C13orf42: variants seen among roughly 807,000 people sequenced by gnomAD.
C13orf42 encodes the protein uncharacterized protein C13orf42.
chr13:51,091,043 T>A (rs1953175824), intron 1 of C13orf42, among the ~76,000 whole-genome samples: 1 of 152,152 alleles, frequency 6.6e-6, no homozygotes, highest in South Asian at 2.1e-4. Context: ...GATTCAAGAC[T>A]TGTGTCACTT....
chr13:51,123,538 A>C (rs576290355), intron 1 of C13orf42, among the ~76,000 whole-genome samples: 4 of 152,332 alleles, frequency 2.6e-5, no homozygotes, highest in African/African-American at 9.6e-5. Flanking sequence ...GAGAGCCAGA[A>C]TATTTGTGAA....
chr13:51,162,053 G>T, intron 1 of C13orf42: 1 of 351,384 alleles, frequency 2.8e-6, no homozygotes, highest in South Asian at 2.8e-5. Context: ...ACATGCTGCA[G>T]CATCATTTGT....
intron 1 of C13orf42, among the ~76,000 whole-genome samples, chr13:51,154,756 C>T (rs1352341855): frequency 6.6e-6 from 1 of 152,208 alleles, no homozygotes; most frequent in African/African-American, 2.4e-5. Flanking sequence ...TCGTTGAAGA[C>T]ACTGAGGATA....
chr13:51,093,142 G>T (rs1230104063), intron 1 of C13orf42, among the ~76,000 whole-genome samples: 1 of 152,080 alleles, frequency 6.6e-6, no homozygotes, highest in Non-Finnish European at 1.5e-5. Context: ...TTCAAATTAG[G>T]ATCCAAACAA....
At chr13:51,084,684 C>T (rs1162396650) in intron 3 of C13orf42, among the ~76,000 whole-genome samples, 7 of 152,232 alleles carry the variant, frequency 4.6e-5, no homozygotes, top group East Asian at 1.9e-4. Context: ...CAGGCCCTTC[C>T]GTTGTGACAG....
intron 1 of C13orf42, among the ~76,000 whole-genome samples, chr13:51,132,902 C>T (rs942277894): frequency 4.6e-5 from 7 of 152,130 alleles, no homozygotes; most frequent in African/African-American, 1.7e-4. Flanking sequence ...AAAACCCAAA[C>T]CAAAACCAAG....
At chr13:51,160,783 A>T (rs1020099372) in intron 1 of C13orf42, among the ~76,000 whole-genome samples, 2 of 152,164 alleles carry the variant, frequency 1.3e-5, no homozygotes, top group African/African-American at 4.8e-5. Flanking sequence ...CTGATTTTTT[A>T]AATTATCTAT....
At position 51,110,815 on chromosome 13, in the gene C13orf42, G is replaced by C. The variant is rs1003889626; in HGVS notation, c.395C>G (p.Ser132Cys). 1 of 398,524 alleles carries C rather than the reference G, an allele frequency of 2.5e-6. No homozygotes were observed. Among genetic ancestry groups the C allele is most frequent in the African/African-American group, 2.1e-5 (1 of 48,648 alleles). The allele number at this position is 398,524 out of a possible 1,614,324, so 24.7% of individuals were successfully genotyped here. A position where few individuals can be genotyped will look rare whatever the true frequency, so the allele number is the denominator to read the frequency against. ...SKGGKKTPVR[S>C]TPKEIKKATP... ...ACTTACCTTTATTTCTTTGGGAGTA[G>C]ACCGGACAGGAGTCTTTTTCCCTCC... is the stretch of plus-strand genomic sequence containing the variant. Residue 132 changes from serine to cysteine, a missense_variant, in exon 1 of 4, where the codon TCT becomes TGT. Ser to Cys is a moderately radical substitution (Grantham distance 112). Transcript: ENST00000563710.
At chr13:51,105,814 C>A (rs184889974) in intron 1 of C13orf42, among the ~76,000 whole-genome samples, 11 of 152,166 alleles carry the variant, frequency 7.2e-5, no homozygotes, top group Non-Finnish European at 1.2e-4. Flanking sequence ...GATCAAAATA[C>A]GTTTTCCAGT....
At chr13:51,169,964 G>C (rs1050089534) in intron 1 of C13orf42, among the ~76,000 whole-genome samples, 4 of 152,276 alleles carry the variant, frequency 2.6e-5, no homozygotes, top group Middle Eastern at 3.4e-3. Flanking sequence ...CAAAAGAAGT[G>C]AATATGCCTT....
chr13:51,141,831 G>A (rs1057504282), intron 1 of C13orf42, among the ~76,000 whole-genome samples: 3 of 152,024 alleles, frequency 2.0e-5, no homozygotes, highest in Admixed American at 6.6e-5. Flanking sequence ...TAATAAGAAA[G>A]AAAAGATTAG....
intron 1 of C13orf42, among the ~76,000 whole-genome samples, chr13:51,134,701 A>G (rs1031579018): frequency 1.3e-5 from 2 of 152,202 alleles, no homozygotes; most frequent in Non-Finnish European, 2.9e-5. Flanking sequence ...TCTACCCCAG[A>G]GCAATTTCTG....
intron 1 of C13orf42, among the ~76,000 whole-genome samples, chr13:51,141,095 GGT>G (rs3043870): frequency 0.14 from 18,595 of 128,318 alleles, 1,216 homozygotes; most frequent in South Asian, 0.26. Flanking sequence ...ATCGAAGGGA[GGT>G]GTGTGTGTGT....
At chr13:51,146,234 G>A (rs1180002367) in intron 1 of C13orf42, among the ~76,000 whole-genome samples, 1 of 152,024 alleles carries the variant, frequency 6.6e-6, no homozygotes, top group African/African-American at 2.4e-5. Context: ...GATACCCAAA[G>A]CCTCTGATAA....
intron 1 of C13orf42, among the ~76,000 whole-genome samples, chr13:51,166,259 G>C (rs1411861592): frequency 6.6e-6 from 1 of 151,466 alleles, no homozygotes; most frequent in Non-Finnish European, 1.5e-5. Flanking sequence ...ATACTATGCA[G>C]CCATAAAAAA....
intron 1 of C13orf42, among the ~76,000 whole-genome samples, chr13:51,163,235 T>G (rs1177326988): frequency 6.6e-6 from 1 of 152,206 alleles, no homozygotes. Flanking sequence ...GATCTTACCC[T>G]TCAAATATAG....
At chr13:51,150,443 G>A (rs1033316173) in intron 1 of C13orf42, among the ~76,000 whole-genome samples, 1 of 152,158 alleles carries the variant, frequency 6.6e-6, no homozygotes, top group African/African-American at 2.4e-5. Flanking sequence ...TCAATCACAC[G>A]GGAAGGGAGG....
At chr13:51,117,783 CA>C (rs564828616) in intron 1 of C13orf42, among the ~76,000 whole-genome samples, 370 of 152,118 alleles carry the variant, frequency 2.4e-3, no homozygotes, top group Non-Finnish European at 4.6e-3. Flanking sequence ...TAGGAATATA[CA>C]TATTTATTTT....
intron 1 of C13orf42, among the ~76,000 whole-genome samples, chr13:51,127,405 T>C (rs1010451534): frequency 6.6e-6 from 1 of 152,204 alleles, no homozygotes; most frequent in South Asian, 2.1e-4. Flanking sequence ...AACTTGTCCA[T>C]AGCCATACAG....
Sources: allele counts gnomAD v4.1 joint callset (sites outside exome capture counted in the v4.1 genomes callset), GRCh38; gene constraint gnomAD v4.1.1; transcripts MANE v1.5; gene names NCBI Gene and HGNC (gene_info 2026-07-23, HGNC 2026-07-21).